The following SLCO5A1 variants were observed in gnomAD, a reference collection of about 807,000 sequenced individuals.
SLCO5A1 encodes the protein solute carrier organic anion transporter family member 5A1.
Under a neutral mutation model 65.1 loss-of-function variants are expected in SLCO5A1, and 39 were observed. The observed-to-expected ratio is 0.60, with a 90% CI of 0.46 to 0.78. The LOEUF is 0.78. SLCO5A1 is among the 30% of genes least tolerant of loss of function. The pLI is 0.00. For missense variants in SLCO5A1, 1,029 were observed against 1,069.4 expected (o/e 0.96, Z 0.53); for synonymous variants, 438 against 415.7 (o/e 1.05, Z -0.65).
At chr8:69,726,899 C>T (rs1816106331) in intron 5 of SLCO5A1, among the ~76,000 whole-genome samples, 1 of 152,156 alleles carries the variant, frequency 6.6e-6, no homozygotes, top group Admixed American at 6.5e-5. Context: ...ATAAGTCCTG[C>T]ATTTACTCTT....
chr8:69,787,046 G>A (rs1819065547), intron 2 of SLCO5A1, among the ~76,000 whole-genome samples: 1 of 152,208 alleles, frequency 6.6e-6, no homozygotes, highest in South Asian at 2.1e-4. Context: ...GCCCCCTGCT[G>A]ACTTGTCCTC....
intron 2 of SLCO5A1, among the ~76,000 whole-genome samples, chr8:69,796,280 G>A (rs920157593): frequency 6.6e-6 from 1 of 151,546 alleles, no homozygotes; most frequent in Non-Finnish European, 1.5e-5. Flanking sequence ...TGGCCAGGCT[G>A]GAAATTTACC....
intron 4 of SLCO5A1, among the ~76,000 whole-genome samples, chr8:69,746,308 T>A (rs917066631): frequency 3.3e-5 from 5 of 152,190 alleles, no homozygotes; most frequent in African/African-American, 1.2e-4. Context: ...GGGCTCCATT[T>A]GGAAACCCAT....
chr8:69,685,579 C>G (rs1042669826), intron 6 of SLCO5A1, among the ~76,000 whole-genome samples: 14 of 152,196 alleles, frequency 9.2e-5, no homozygotes, highest in African/African-American at 3.4e-4. Context: ...GCCTCGATAG[C>G]AATACCTTAT....
intron 7 of SLCO5A1, among the ~76,000 whole-genome samples, chr8:69,681,867 G>C (rs1813790639): frequency 6.6e-6 from 1 of 151,696 alleles, no homozygotes; most frequent in Non-Finnish European, 1.5e-5. Flanking sequence ...CCATCACAAG[G>C]GCCCTGTCAG....
intron 4 of SLCO5A1, among the ~76,000 whole-genome samples, chr8:69,740,246 A>T (rs1183130407): frequency 6.6e-6 from 1 of 152,176 alleles, no homozygotes; most frequent in Non-Finnish European, 1.5e-5. Flanking sequence ...ACAGCCCTCC[A>T]GGAGTTGGGG....
intron 2 of SLCO5A1, among the ~76,000 whole-genome samples, chr8:69,762,285 C>A (rs1258544820): frequency 2.0e-5 from 3 of 151,946 alleles, no homozygotes; most frequent in Non-Finnish European, 4.4e-5. Flanking sequence ...CTCCCAGGTT[C>A]ATGCCATTCT....
At chr8:69,769,224 A>T (rs1356500382) in intron 2 of SLCO5A1, among the ~76,000 whole-genome samples, 1 of 152,220 alleles carries the variant, frequency 6.6e-6, no homozygotes, top group East Asian at 1.9e-4. Context: ...CTAGGTGCTC[A>T]CATCAAGTAT....
At chr8:69,697,014 A>G (rs865787151) in intron 6 of SLCO5A1, among the ~76,000 whole-genome samples, 7 of 152,238 alleles carry the variant, frequency 4.6e-5, no homozygotes, top group Admixed American at 4.6e-4. Flanking sequence ...CAACCAGTCC[A>G]TACGTTCCAA....
chr8:69,804,315 G>GT (rs536151117), intron 2 of SLCO5A1, among the ~76,000 whole-genome samples: 80 of 151,914 alleles, frequency 5.3e-4, no homozygotes, highest in African/African-American at 1.9e-3. Flanking sequence ...TATTGTTTTT[G>GT]TTTTTTTGTT....
rs200876342 is a variant in SLCO5A1 at position 69,672,918 on chromosome 8, G to A, written c.2498C>T (p.Ala833Val). 3.7e-6 allele frequency: 6 copies of A among 1,614,016 alleles called. No homozygotes were observed. Among genetic ancestry groups the A allele is most frequent in the East Asian group, 2.2e-5 (1 of 44,890 alleles). ...GGGGCTCTCTTCCAGCCCCGGGTCC[G>A]CAGAGGAACTTATTGCTTCTGGGAA... is the stretch of plus-strand genomic sequence containing the variant. Reference protein sequence around the residue: ...GPFPEAISSSADPGLEESPAA... With the variant: ...GPFPEAISSSVDPGLEESPAA... Residue 833 changes from alanine (A) to valine (V), a missense_variant, in exon 10 of 10, where the codon GCG becomes GTG. This residue lies in a region of SLCO5A1 where 258 missense variants were observed against 237.4 expected (regional missense o/e 1.09). Coordinates refer to ENST00000260126, the MANE Select transcript of SLCO5A1 (RefSeq NM_030958.3).
intron 5 of SLCO5A1, among the ~76,000 whole-genome samples, chr8:69,711,719 G>A (rs2130817073): frequency 6.6e-6 from 1 of 152,174 alleles, no homozygotes; most frequent in East Asian, 1.9e-4. Context: ...AACATTTCCA[G>A]GCCTCGGATT....
intron 2 of SLCO5A1, among the ~76,000 whole-genome samples, chr8:69,793,571 G>A (rs548815980): frequency 1.1e-3 from 172 of 152,026 alleles, no homozygotes; most frequent in South Asian, 2.9e-3. Flanking sequence ...TTGAGGTCAG[G>A]AGTTTGAGAC....
chr8:69,719,272 T>G (rs1264354337), intron 5 of SLCO5A1, among the ~76,000 whole-genome samples: 1 of 152,190 alleles, frequency 6.6e-6, no homozygotes, highest in East Asian at 1.9e-4. Flanking sequence ...TTTTGTTTGT[T>G]TGTTTCAAAA....
intron 2 of SLCO5A1, among the ~76,000 whole-genome samples, chr8:69,787,709 G>A (rs1231571643): frequency 2.0e-5 from 3 of 152,178 alleles, no homozygotes; most frequent in African/African-American, 7.2e-5. Context: ...TGTGAGTTAT[G>A]AACTAACTAT....
intron 2 of SLCO5A1, among the ~76,000 whole-genome samples, chr8:69,781,361 C>T (rs1178075736): frequency 2.0e-5 from 3 of 152,210 alleles, no homozygotes; most frequent in Admixed American, 2.0e-4. Context: ...CTTTAGGACA[C>T]CTTTAACACT....
chr8:69,752,806 T>C (rs1405983282), intron 4 of SLCO5A1, among the ~76,000 whole-genome samples: 1 of 152,136 alleles, frequency 6.6e-6, no homozygotes, highest in Non-Finnish European at 1.5e-5. Flanking sequence ...AGAAGTAGGA[T>C]CAGTCATGAT....
At chr8:69,676,700 C>T in intron 8 of SLCO5A1, 27 bp from the exon 9 acceptor site, 3 of 1,595,404 alleles carry the variant, frequency 1.9e-6, no homozygotes, top group Non-Finnish European at 2.6e-6. Context: ...GAAGGAAATG[C>T]ATTTTAAATA....
intron 5 of SLCO5A1, among the ~76,000 whole-genome samples, chr8:69,717,005 C>T (rs994943508): frequency 6.6e-6 from 1 of 152,144 alleles, no homozygotes; most frequent in Non-Finnish European, 1.5e-5. Context: ...CTCTCAAACT[C>T]CTGGGCTCAA....
Sources: gnomAD v4.1 joint callset for allele counts (sites outside exome capture counted in the v4.1 genomes callset) on GRCh38, gnomAD v4.1.1 for gene constraint, gnomAD v4.1.1 regional missense constraint, MANE v1.5 for transcripts, NCBI Gene and HGNC (gene_info 2026-07-23, HGNC 2026-07-21) for gene names.